FHIT: variants seen among roughly 807,000 people sequenced by gnomAD.
The protein encoded by FHIT is fragile histidine triad diadenosine triphosphatase, also known as bis(5'-adenosyl)-triphosphatase.
A neutral mutation model predicts 17.9 loss-of-function variants in FHIT; 19 were observed. The observed-to-expected ratio is 1.06, with a 90% CI of 0.74 to 1.56. The LOEUF (loss-of-function observed/expected upper bound fraction) is 1.56. FHIT is among the 40% of genes most tolerant of loss of function. FHIT has a pLI of 0.00. For missense variants in FHIT, 248 were observed against 189.2 expected (o/e 1.31, Z -1.82); for synonymous variants, 81 against 69.7 (o/e 1.16, Z -0.81).
At chr3:60,155,826 C>T (rs1050498777) in intron 5 of FHIT, among the ~76,000 whole-genome samples, 1 of 152,186 alleles carries the variant, frequency 6.6e-6, no homozygotes, top group Admixed American at 6.5e-5. Flanking sequence ...ATCCACCCCA[C>T]TCCAACCTCC....
chr3:60,015,588 AC>A (rs1168497685), intron 5 of FHIT, among the ~76,000 whole-genome samples: 1 of 152,052 alleles, frequency 6.6e-6, no homozygotes, highest in Non-Finnish European at 1.5e-5. Context: ...GTTAAAAGGG[AC>A]CCTTCCCCAT....
chr3:60,955,635 C>CATGTATATATATATATATATATACAT (rs1553778580), intron 3 of FHIT, among the ~76,000 whole-genome samples: 3 of 48,368 alleles, frequency 6.2e-5, no homozygotes, highest in Admixed American at 2.5e-4. Context: ...TATATATATA[C>CATGTATATATATATATATATATACAT]ACACACACAC....
chr3:61,201,099 T>C (rs2038998658), intron 1 of FHIT, among the ~76,000 whole-genome samples: 1 of 152,226 alleles, frequency 6.6e-6, no homozygotes, highest in Non-Finnish European at 1.5e-5. Flanking sequence ...CCTATTCCAT[T>C]TATATGACAT....
chr3:59,823,189 C>T (rs1700855640), intron 8 of FHIT, among the ~76,000 whole-genome samples: 1 of 152,176 alleles, frequency 6.6e-6, no homozygotes, highest in Non-Finnish European at 1.5e-5. Context: ...GTTTTGGTGA[C>T]TATGGCCTTA....
chr3:60,456,920 GA>G (rs1475198680), intron 5 of FHIT, among the ~76,000 whole-genome samples: 2 of 152,142 alleles, frequency 1.3e-5, no homozygotes, highest in Admixed American at 1.3e-4. Flanking sequence ...ACTGCTCAAT[GA>G]AATAAAAGAG....
At chr3:59,875,852 A>G (rs1439587899) in intron 8 of FHIT, among the ~76,000 whole-genome samples, 2 of 152,116 alleles carry the variant, frequency 1.3e-5, no homozygotes, top group African/African-American at 4.8e-5. Context: ...GCCATGCGTC[A>G]GCCATGAGTA....
intron 5 of FHIT, among the ~76,000 whole-genome samples, chr3:60,234,384 C>A (rs938838866): frequency 2.6e-5 from 4 of 152,026 alleles, no homozygotes. Flanking sequence ...ATAATTAATA[C>A]CTGTGAGTTT....
intron 5 of FHIT, among the ~76,000 whole-genome samples, chr3:60,451,086 T>A (rs560471080): frequency 6.6e-6 from 1 of 152,174 alleles, no homozygotes; most frequent in Non-Finnish European, 1.5e-5. Flanking sequence ...TAGTTTGAAT[T>A]AAACATCGGT....
chr3:60,542,590 T>A, intron 4 of FHIT, among the ~76,000 whole-genome samples: 1 of 152,234 alleles, frequency 6.6e-6, no homozygotes, highest in East Asian at 1.9e-4. Context: ...ATTCATATAC[T>A]TTGTCCTCTT....
At chr3:60,435,809 A>G (rs147964900) in intron 5 of FHIT, among the ~76,000 whole-genome samples, 6 of 151,380 alleles carry the variant, frequency 4.0e-5, no homozygotes, top group Admixed American at 4.0e-4. Context: ...CTCCTCTCAC[A>G]CTCCGTGTTC....
intron 5 of FHIT, among the ~76,000 whole-genome samples, chr3:60,084,052 TA>T (rs1703398938): frequency 6.6e-6 from 1 of 152,210 alleles, no homozygotes; most frequent in Non-Finnish European, 1.5e-5. Flanking sequence ...TCACACTTTT[TA>T]TAGCAATATC....
intron 5 of FHIT, among the ~76,000 whole-genome samples, chr3:60,070,224 G>C (rs990466705): frequency 2.6e-5 from 4 of 152,124 alleles, no homozygotes; most frequent in African/African-American, 9.7e-5. Flanking sequence ...CATATTTACA[G>C]AAGCTCTCCA....
chr3:59,919,640 G>A (rs1372531916), intron 8 of FHIT, among the ~76,000 whole-genome samples: 1 of 152,140 alleles, frequency 6.6e-6, no homozygotes, highest in Admixed American at 6.5e-5. Context: ...ATACTCTGGG[G>A]CTTCTTTAGG....
At chr3:61,122,924 C>G (rs1204802216) in intron 2 of FHIT, among the ~76,000 whole-genome samples, 1 of 152,174 alleles carries the variant, frequency 6.6e-6, no homozygotes, top group Non-Finnish European at 1.5e-5. Flanking sequence ...ATTAGTTCAA[C>G]CATTGTGGAA....
intron 5 of FHIT, among the ~76,000 whole-genome samples, chr3:60,377,423 C>G (rs1700612167): frequency 7.1e-6 from 1 of 140,228 alleles, no homozygotes; most frequent in Non-Finnish European, 1.5e-5. Context: ...TCCCAAAGTG[C>G]TGGGATTACA....
At chr3:60,130,138 G>C (rs1458314303) in intron 5 of FHIT, among the ~76,000 whole-genome samples, 4 of 152,158 alleles carry the variant, frequency 2.6e-5, no homozygotes, top group Non-Finnish European at 1.5e-5. Flanking sequence ...AGGAACCTTA[G>C]AGAGCAATCA....
At chr3:61,047,782 A>T (rs1423330964) in intron 2 of FHIT, among the ~76,000 whole-genome samples, 1 of 151,924 alleles carries the variant, frequency 6.6e-6, no homozygotes, top group East Asian at 1.9e-4. Context: ...ACAGAGATAT[A>T]GACCAATGGA....
intron 5 of FHIT, among the ~76,000 whole-genome samples, chr3:60,459,929 T>C (rs1483362993): frequency 6.6e-6 from 1 of 152,106 alleles, no homozygotes; most frequent in African/African-American, 2.4e-5. Context: ...AAAGCTTCTC[T>C]TAAAAAGGCT....
chr3:59,808,681 G>A lies in FHIT; in HGVS notation c.349-56360C>T, dbSNP rs556746039. Reference sequence around the variant, plus strand: ...ATCTGGAGTTTCAGTTGGCCGTTTGGGCAGCCAGACATGAATTAAGAACAG... The same window carrying A: ...ATCTGGAGTTTCAGTTGGCCGTTTGAGCAGCCAGACATGAATTAAGAACAG... On this transcript the variant is annotated intron_variant, in intron 8 of 9. Transcript: ENST00000492590. 3.8e-4 allele frequency among the ~76,000 whole-genome samples: 58 copies of A among 152,256 alleles called. 1 individual carries two copies. The South Asian group carries it at 9.3e-3, about 24-fold the overall frequency.
Sources: allele counts gnomAD v4.1 joint callset (sites outside exome capture counted in the v4.1 genomes callset), GRCh38; gene constraint gnomAD v4.1.1; transcripts MANE v1.5; gene names NCBI Gene and HGNC (gene_info 2026-07-23, HGNC 2026-07-21).